The following GCA variants were observed in gnomAD, a reference collection of about 807,000 sequenced individuals.
GCA encodes grancalcin, EF-hand calcium-binding protein.
Under a neutral mutation model 32.6 loss-of-function variants are expected in GCA, and 30 were observed. The ratio of observed to expected loss-of-function variants is 0.92; its 90% CI spans 0.69 to 1.25. The LOEUF is 1.25. Among genes scored for constraint, GCA ranks in the 50% most tolerant of loss-of-function variants. The probability of loss-of-function intolerance (pLI) is 0.00; values close to 1 mark genes in which losing one functional copy is unlikely to be tolerated. For missense variants in GCA, 291 were observed against 266.8 expected, an observed-to-expected ratio of 1.09 and a Z score of -0.63; for synonymous variants, 102 against 84.6, an observed-to-expected ratio of 1.21 and a Z score of -1.13.
chr2:162,329,131 C>T (rs1053974767), intron 1 of GCA, among the ~76,000 whole-genome samples: 1 of 151,912 alleles, frequency 6.6e-6, no homozygotes, highest in South Asian at 2.1e-4. Context: ...AGGATGGGGG[C>T]GTGGCAGGCC....
At chr2:162,333,142 T>C (rs958975666) in intron 1 of GCA, among the ~76,000 whole-genome samples, 2 of 152,066 alleles carry the variant, frequency 1.3e-5, no homozygotes, top group African/African-American at 4.8e-5. Flanking sequence ...CAGTTTTTCA[T>C]AGAATCAAAT....
chr2:162,323,625 A>G (rs906759733), intron 1 of GCA, among the ~76,000 whole-genome samples: 3 of 151,910 alleles, frequency 2.0e-5, no homozygotes, highest in Non-Finnish European at 2.9e-5. Context: ...CTTTCTACAT[A>G]TGGCTAGCCA....
chr2:162,362,341 A>G lies in GCA; in HGVS notation c.*2098A>G. The stretch of plus-strand genomic sequence containing the variant: ...TCTGCACTTTACATTAAACAGACAA[A>G]CTTATGTTAACAAAAACATTAGGCC... On this transcript the variant is annotated 3_prime_UTR_variant, in exon 8 of 8. Transcript: ENST00000437150. 1.0e-6 allele frequency: 1 copy of G among 982,578 alleles called. No individual in the cohort carries two copies. Among genetic ancestry groups the G allele is most frequent in the Non-Finnish European group, 1.2e-6 (1 of 827,626 alleles). 60.9% of individuals were successfully genotyped at this position (982,578 alleles called of 1,614,324 possible). A position where few individuals can be genotyped will look rare whatever the true frequency, so the allele number is the denominator to read the frequency against.
At chr2:162,349,994 G>A (rs923859753) in intron 2 of GCA, among the ~76,000 whole-genome samples, 1 of 152,064 alleles carries the variant, frequency 6.6e-6, no homozygotes, top group Admixed American at 6.6e-5. Context: ...ATTAATATAC[G>A]TGGCAGACAT....
downstream of GCA, among the ~76,000 whole-genome samples, chr2:162,373,064 A>G (rs1341294316): frequency 6.6e-6 from 1 of 152,090 alleles, no homozygotes; most frequent in Non-Finnish European, 1.5e-5. Context: ...AGCCTTTGGC[A>G]CTGTAGAAAA....
chr2:162,365,517 G>A (rs1043616408), downstream of GCA, among the ~76,000 whole-genome samples: 1 of 151,606 alleles, frequency 6.6e-6, no homozygotes, highest in African/African-American at 2.4e-5. Flanking sequence ...CTAGGAAATA[G>A]TATGTGTTTT....
chr2:162,334,264 ATTT>A (rs369397854), intron 1 of GCA, among the ~76,000 whole-genome samples: 1 of 148,800 alleles, frequency 6.7e-6, no homozygotes, highest in South Asian at 2.1e-4. Flanking sequence ...ACAATTATAG[ATTT>A]TTTTTTTTGC....
chr2:162,336,838 T>G (rs539201646), intron 1 of GCA, among the ~76,000 whole-genome samples: 2 of 152,262 alleles, frequency 1.3e-5, no homozygotes, highest in African/African-American at 2.4e-5. Context: ...TTGGGCAGGG[T>G]TGGGAATTTA....
Position 162,361,189 on chromosome 2 carries a change from A to T in GCA, c.*946A>T. On this transcript the variant is annotated 3_prime_UTR_variant, in exon 8 of 8. Coordinates refer to ENST00000437150, the MANE Select transcript of GCA (RefSeq NM_012198.5). Reference sequence around the variant, plus strand: ...CATTAGTGGTGGCTTTGCCATTAAAAACCCAGTAAGTATTTTGAGTGCATC... The same window carrying T: ...CATTAGTGGTGGCTTTGCCATTAAATACCCAGTAAGTATTTTGAGTGCATC... The T allele has an allele frequency of 1.0e-6, 1 of 985,154 alleles. No individual in the cohort carries two copies. The allele number at this position is 985,154 out of a possible 1,614,324, so 61.0% of individuals were successfully genotyped here. A position where few individuals can be genotyped will look rare whatever the true frequency, so the allele number is the denominator to read the frequency against.
chr2:162,372,645 T>C (rs1333741529), downstream of GCA, among the ~76,000 whole-genome samples: 1 of 152,152 alleles, frequency 6.6e-6, no homozygotes, highest in East Asian at 1.9e-4. Context: ...CATTACCTTC[T>C]CTTATTAGTG....
intron 1 of GCA, among the ~76,000 whole-genome samples, chr2:162,335,632 T>G (rs1684243943): frequency 6.6e-6 from 1 of 152,126 alleles, no homozygotes. Context: ...GACTTTGAAT[T>G]ACATGAGCCA....
intron 2 of GCA, among the ~76,000 whole-genome samples, chr2:162,352,071 G>A (rs1685028239): frequency 6.6e-6 from 1 of 152,110 alleles, no homozygotes; most frequent in Non-Finnish European, 1.5e-5. Context: ...TAAAATAGAA[G>A]TACAATGACT....
At chr2:162,374,956 G>T (rs1338168404), downstream of GCA, among the ~76,000 whole-genome samples, 2 of 152,090 alleles carry the variant, frequency 1.3e-5, no homozygotes, top group African/African-American at 4.8e-5. Flanking sequence ...ATACCTGAAG[G>T]TCTGATCTAA....
At chr2:162,355,495 C>A (rs1036918220) in intron 3 of GCA, among the ~76,000 whole-genome samples, 5 of 151,840 alleles carry the variant, frequency 3.3e-5, no homozygotes, top group Middle Eastern at 3.2e-3. Flanking sequence ...TATTAACAAG[C>A]TGCTATTAAG....
intron 1 of GCA, among the ~76,000 whole-genome samples, chr2:162,322,350 T>C (rs1683701680): frequency 6.6e-6 from 1 of 151,680 alleles, no homozygotes; most frequent in Admixed American, 6.5e-5. Flanking sequence ...ACAGTACTTT[T>C]ACCTCAAAGG....
intron 2 of GCA, among the ~76,000 whole-genome samples, chr2:162,348,370 G>A (rs2105317586): frequency 6.6e-6 from 1 of 152,126 alleles, no homozygotes; most frequent in Non-Finnish European, 1.5e-5. Context: ...CAATATGATT[G>A]GAAATCACTT....
upstream of GCA, among the ~76,000 whole-genome samples, chr2:162,342,955 C>G (rs1684499344): frequency 6.6e-6 from 1 of 152,184 alleles, no homozygotes; most frequent in South Asian, 2.1e-4. Context: ...TTAAGTATTT[C>G]TTACAGCATT....
intron 1 of GCA, among the ~76,000 whole-genome samples, chr2:162,345,300 G>A (rs890757452): frequency 3.9e-5 from 6 of 152,106 alleles, no homozygotes; most frequent in African/African-American, 1.4e-4. Flanking sequence ...CTTAAATTTA[G>A]GAAGGAAGTT....
At position 162,362,354 on chromosome 2, in the gene GCA, A is replaced by G; in HGVS notation, c.*2111A>G. The G allele has an allele frequency of 1.0e-6, 1 of 982,248 alleles. No individual in the cohort carries two copies. The highest frequency in any genetic ancestry group is 1.2e-6 in the Non-Finnish European group (1 of 827,260). 60.8% of individuals were successfully genotyped at this position (982,248 alleles called of 1,614,324 possible). A position where few individuals can be genotyped will look rare whatever the true frequency, so the allele number is the denominator to read the frequency against. On this transcript the variant is annotated 3_prime_UTR_variant, in exon 8 of 8. Transcript: ENST00000437150. ...TTAAACAGACAAACTTATGTTAACA[A>G]AAACATTAGGCCTAGAGAATATTTT...
Sources: gnomAD v4.1 joint callset for allele counts (sites outside exome capture counted in the v4.1 genomes callset) on GRCh38, gnomAD v4.1.1 for gene constraint, MANE v1.5 for transcripts, NCBI Gene and HGNC (gene_info 2026-07-23, HGNC 2026-07-21) for gene names.